Variants in THRA observed in about 807,000 individuals in gnomAD.
THRA encodes EAR-7.
Under a neutral mutation model 45.0 loss-of-function variants are expected in THRA, and 13 were observed. That is an observed-to-expected ratio of 0.29 (90% confidence interval 0.19 to 0.46). THRA has a LOEUF of 0.46. Among genes scored for constraint, THRA ranks in the 20% least tolerant of loss-of-function variants. The pLI is 1.00. For synonymous variants in THRA, 195 were observed against 214.0 expected, an observed-to-expected ratio of 0.91 and a Z score of 0.78; for missense variants, 278 against 556.1, an observed-to-expected ratio of 0.50 and a Z score of 5.03.
chr17:40,074,438 C>A lies in THRA; in HGVS notation c.-51C>A. 6.2e-7 allele frequency: 1 copy of A among 1,610,194 alleles called. No individual in the cohort carries two copies. The highest frequency in any genetic ancestry group is 8.5e-7 in the Non-Finnish European group (1 of 1,176,966). On this transcript the variant is annotated 5_prime_UTR_variant, in exon 2 of 9. Coordinates refer to ENST00000450525, the MANE Select transcript of THRA (RefSeq NM_199334.5). Reference sequence around the variant, plus strand: ...GGTGTGCCGGGGGGGCCAGTGTGCCCACCCCAGTCTCTTGGCGTGCTGGAG... The same window carrying A: ...GGTGTGCCGGGGGGGCCAGTGTGCCAACCCCAGTCTCTTGGCGTGCTGGAG...
At position 40,083,994 on chromosome 17, in the gene THRA, A is replaced by G; in HGVS notation, c.370+12A>G. On this transcript the variant is annotated intron_variant, in intron 5 of 8. Coordinates refer to ENST00000450525, the MANE Select transcript of THRA (RefSeq NM_199334.5). ...CATGGCCATGGACTGTAAGGGGCCCAGGTGGAGGGAATAGAGCCAGGTGGC... is the reference window on the plus strand; with the variant it reads ...CATGGCCATGGACTGTAAGGGGCCCGGGTGGAGGGAATAGAGCCAGGTGGC... 1 of 1,604,732 alleles carries G rather than the reference A, an allele frequency of 6.2e-7. No homozygotes were observed. Among genetic ancestry groups the G allele is most frequent in the Admixed American group, 1.7e-5 (1 of 58,632 alleles).
intron 7 of THRA, among the ~76,000 whole-genome samples, chr17:40,087,909 C>A (rs1212041042): frequency 1.3e-5 from 2 of 152,194 alleles, no homozygotes; most frequent in Non-Finnish European, 2.9e-5. Context: ...CAGGCATGTG[C>A]CACCACGCCC....
In THRA at chr17:40,084,819, A is replaced by G. The variant is rs946079927; in HGVS notation, c.576+4A>G. ...GAAACAGAGGCGGAAATTCCTGGTA[A>G]GGAGAAAGGGGGCATGGGGAGAGCA... is the stretch of plus-strand genomic sequence containing the variant. On this transcript the variant is annotated splice_donor_region_variant and intron_variant, in intron 6 of 8. Transcript: ENST00000450525. The G allele has an allele frequency of 1.9e-6, 3 of 1,613,004 alleles. No homozygotes were observed. Among genetic ancestry groups the G allele is most frequent in the Admixed American group, 1.7e-5 (1 of 60,016 alleles).
chr17:40,077,440 A>G (rs1986992849), intron 3 of THRA, 68 bp from the exon 4 acceptor site: 1 of 1,420,460 alleles, frequency 7.0e-7, no homozygotes, highest in Non-Finnish European at 9.9e-7. Flanking sequence ...GATGGGGAAA[A>G]GTGTGAGAGC....
chr17:40,077,806 C>T lies in THRA; in HGVS notation c.222+198C>T, dbSNP rs981008090. ...TCCGCCTTCAGGTTCAAGTGATTCC[C>T]CTACCTCGGCCTCCTGAGTAGCTGG... On this transcript the variant is annotated intron_variant, in intron 4 of 8. Coordinates refer to ENST00000450525, the MANE Select transcript of THRA (RefSeq NM_199334.5). Among the ~76,000 whole-genome samples the T allele has an allele frequency of 3.9e-5, 6 of 152,250 alleles. No homozygotes were observed. The South Asian group carries it at 1.2e-3, about 32-fold the overall frequency.
At chr17:40,084,951 TC>T in intron 6 of THRA, 136 bp downstream of exon 6, 1 of 972,354 alleles carries the variant, frequency 1.0e-6, no homozygotes, top group Non-Finnish European at 1.5e-6. Flanking sequence ...ACTTTTGCTG[TC>T]CAGATTTTAT....
chr17:40,087,743 G>A (rs935512041), intron 7 of THRA, among the ~76,000 whole-genome samples: 1 of 152,166 alleles, frequency 6.6e-6, no homozygotes, highest in South Asian at 2.1e-4. Flanking sequence ...AATGATGGGT[G>A]CTAACTCACA....
chr17:40,063,493 C>T (rs375813621), intron 1 of THRA, among the ~76,000 whole-genome samples: 2 of 152,172 alleles, frequency 1.3e-5, no homozygotes, highest in African/African-American at 4.8e-5. Context: ...CCCCAGCCCC[C>T]ACCCCTAGCC....
intron 1 of THRA, among the ~76,000 whole-genome samples, chr17:40,070,391 G>C (rs1435034359): frequency 6.6e-6 from 1 of 152,192 alleles, no homozygotes; most frequent in Non-Finnish European, 1.5e-5. Flanking sequence ...TAGAACAGGG[G>C]GTATGGGAAA....
chr17:40,083,210 A>G (rs927575742), intron 4 of THRA, among the ~76,000 whole-genome samples: 2 of 151,738 alleles, frequency 1.3e-5, no homozygotes, highest in African/African-American at 4.8e-5. Context: ...TACAGGCATA[A>G]GCCACCGCGC....
At chr17:40,077,922 T>C (rs899962048) in intron 4 of THRA, among the ~76,000 whole-genome samples, 2 of 152,146 alleles carry the variant, frequency 1.3e-5, no homozygotes, top group African/African-American at 4.8e-5. Context: ...GGTCTCGAAC[T>C]CCTGACCTCA....
chr17:40,093,176 G>A (rs1415190077), downstream of THRA: 3 of 1,613,864 alleles, frequency 1.9e-6, no homozygotes, highest in Non-Finnish European at 2.5e-6. The surrounding 1 kb of genome is among the most constrained non-coding windows in gnomAD (Gnocchi z 5.9). Flanking sequence ...GCTTGGTGAA[G>A]CGGGAAGTCT....
rs1211156811 is a variant in THRA at position 40,063,028 on chromosome 17, C to T, written c.-362C>T. 3 of 151,840 alleles carry T rather than the reference C, an allele frequency of 2.0e-5. No individual in the cohort carries two copies. The highest frequency in any genetic ancestry group is 3.9e-4 in the East Asian group (2 of 5,146). 9.4% of individuals were successfully genotyped at this position (151,840 alleles called of 1,614,324 possible). A position where few individuals can be genotyped will look rare whatever the true frequency, so the allele number is the denominator to read the frequency against. ...GGGCCCCACCGGCCCCCCATGGACGCCCCCAGCACGGGGCGCTGAGACCCC... is the reference window on the plus strand; with the variant it reads ...GGGCCCCACCGGCCCCCCATGGACGTCCCCAGCACGGGGCGCTGAGACCCC... On this transcript the variant is annotated 5_prime_UTR_variant, in exon 1 of 9. Coordinates refer to ENST00000450525, the MANE Select transcript of THRA (RefSeq NM_199334.5).
In THRA at chr17:40,071,671, G is replaced by A. The variant is rs1449301168; in HGVS notation, c.-297-2521G>A. ...AGGAGGTACCAGGAAGGAGTTTGGG[G>A]AGTTAAGCTGGACTCTGGAGGAGGG... On this transcript the variant is annotated intron_variant, in intron 1 of 8. Coordinates refer to ENST00000450525, the MANE Select transcript of THRA (RefSeq NM_199334.5). Among the ~76,000 whole-genome samples the A allele has an allele frequency of 4.6e-5, 7 of 152,216 alleles. No homozygotes were observed. The East Asian group carries it at 7.7e-4, about 17-fold the overall frequency.
chr17:40,081,110 C>T (rs756823566), intron 4 of THRA, among the ~76,000 whole-genome samples: 13 of 152,130 alleles, frequency 8.5e-5, no homozygotes, highest in East Asian at 1.9e-4. Context: ...TGCTGCCCAC[C>T]GGCCACATGA....
intron 1 of THRA, chr17:40,068,973 C>A: frequency 6.5e-6 from 1 of 152,712 alleles, no homozygotes; most frequent in Non-Finnish European, 1.5e-5. Context: ...TCTCCTGGAA[C>A]GGTACCCAGA....
downstream of THRA, chr17:40,093,207 A>C: frequency 6.2e-7 from 1 of 1,613,756 alleles, no homozygotes; most frequent in Non-Finnish European, 8.5e-7. The surrounding 1 kb of genome is among the most constrained non-coding windows in gnomAD (Gnocchi z 5.9). Flanking sequence ...GTTCTTCAGC[A>C]CCAGAGCCCG....
chr17:40,076,508 G>A (rs750310781), intron 2 of THRA, among the ~76,000 whole-genome samples: 2 of 152,206 alleles, frequency 1.3e-5, no homozygotes, highest in African/African-American at 2.4e-5. Context: ...ATGTATGTGT[G>A]TGTTCTAAAG....
intron 2 of THRA, among the ~76,000 whole-genome samples, chr17:40,075,594 C>T (rs1210375435): frequency 2.0e-5 from 3 of 152,242 alleles, no homozygotes; most frequent in Non-Finnish European, 4.4e-5. Flanking sequence ...CTGGAAGAGT[C>T]TGTGCTTAAT....
Sources: gnomAD v4.1 joint callset for allele counts (sites outside exome capture counted in the v4.1 genomes callset) on GRCh38, gnomAD v4.1.1 for gene constraint, Gnocchi (gnomAD v3.1) non-coding constraint, MANE v1.5 for transcripts, NCBI Gene and HGNC (gene_info 2026-07-23, HGNC 2026-07-21) for gene names.